Variants in HEMK2 observed in about 807,000 individuals in gnomAD.
The protein encoded by HEMK2 is methyltransferase HEMK2.
At chr21:28,768,736 T>G in the HEMK2 span, among the ~76,000 whole-genome samples, 1 of 152,060 alleles carries the variant, frequency 6.6e-6, no homozygotes, top group Non-Finnish European at 1.5e-5. Flanking sequence ...TGTTATGGAC[T>G]AAATTTTGAC....
chr21:28,766,757 A>G, the HEMK2 span, among the ~76,000 whole-genome samples: 1 of 152,154 alleles, frequency 6.6e-6, no homozygotes, highest in Admixed American at 6.6e-5. Context: ...AATAGAAAAC[A>G]AAATATTGTA....
chr21:28,670,896 C>G, the HEMK2 span: 1 of 152,186 alleles, frequency 6.6e-6, no homozygotes, highest in East Asian at 1.9e-4. Context: ...GAGGAACCAC[C>G]CTCATGATCC....
chr21:28,622,814 A>C, the HEMK2 span, among the ~76,000 whole-genome samples: 2 of 152,202 alleles, frequency 1.3e-5, no homozygotes, highest in Admixed American at 6.5e-5. Context: ...CCTTCTTTAC[A>C]CCTTATACAA....
chr21:28,871,751 G>A, the HEMK2 span, among the ~76,000 whole-genome samples: 1 of 152,094 alleles, frequency 6.6e-6, no homozygotes, highest in South Asian at 2.1e-4. Context: ...GGTGTGGGCT[G>A]GACCATGCTC....
the HEMK2 span, among the ~76,000 whole-genome samples, chr21:28,862,792 C>T: frequency 6.6e-6 from 1 of 152,220 alleles, no homozygotes; most frequent in Non-Finnish European, 1.5e-5. Context: ...AAAATATCTT[C>T]ATTTTATTTC....
chr21:28,790,932 T>C, the HEMK2 span, among the ~76,000 whole-genome samples: 1 of 151,576 alleles, frequency 6.6e-6, no homozygotes, highest in Admixed American at 6.6e-5. Flanking sequence ...TTTATACATA[T>C]GTAACTAACC....
chr21:28,847,292 C>T, the HEMK2 span, among the ~76,000 whole-genome samples: 2 of 152,100 alleles, frequency 1.3e-5, no homozygotes, highest in Non-Finnish European at 2.9e-5. Context: ...TCATTTATTT[C>T]TTGACATTTA....
chr21:28,604,304 C>T, the HEMK2 span, among the ~76,000 whole-genome samples: 2 of 152,230 alleles, frequency 1.3e-5, no homozygotes, highest in Non-Finnish European at 2.9e-5. Context: ...GGAGAAATAC[C>T]TAATGTAAAT....
chr21:28,724,774 T>C, the HEMK2 span, among the ~76,000 whole-genome samples: 27,239 of 152,114 alleles, frequency 0.18, 2,582 homozygotes, highest in Middle Eastern at 0.32. Context: ...TCAGGTTTTT[T>C]GTTTTTGTTT....
the HEMK2 span, among the ~76,000 whole-genome samples, chr21:28,805,954 G>A: frequency 0.11 from 16,892 of 152,046 alleles, 2,339 homozygotes; most frequent in African/African-American, 0.32. Flanking sequence ...TAGTGTTTCC[G>A]CCTACTCTGA....
the HEMK2 span, among the ~76,000 whole-genome samples, chr21:28,863,955 G>C: frequency 6.6e-6 from 1 of 152,170 alleles, no homozygotes; most frequent in Non-Finnish European, 1.5e-5. Flanking sequence ...AGCCTCCCAA[G>C]TAGCTGGGAC....
the HEMK2 span, among the ~76,000 whole-genome samples, chr21:28,843,460 T>C: frequency 6.6e-6 from 1 of 152,154 alleles, no homozygotes; most frequent in African/African-American, 2.4e-5. Context: ...TCCAAAACCA[T>C]ATTAAGTCCT....
At chr21:28,794,029 G>A in the HEMK2 span, among the ~76,000 whole-genome samples, 1 of 152,096 alleles carries the variant, frequency 6.6e-6, no homozygotes, top group Non-Finnish European at 1.5e-5. Flanking sequence ...TCCACTGTGT[G>A]GTAATTTGTT....
the HEMK2 span, among the ~76,000 whole-genome samples, chr21:28,811,335 GAGAA>G: frequency 3.0e-3 from 435 of 147,244 alleles, 5 homozygotes; most frequent in African/African-American, 0.011. Context: ...AGGAAGGAAG[GAGAA>G]AGAAAGGAAG....
At chr21:28,628,049 T>A in the HEMK2 span, among the ~76,000 whole-genome samples, 3 of 152,004 alleles carry the variant, frequency 2.0e-5, no homozygotes, top group Admixed American at 6.6e-5. Flanking sequence ...CCCTCAGGAG[T>A]GTACTTTCAT....
At chr21:28,697,065 C>T in the HEMK2 span, among the ~76,000 whole-genome samples, 1 of 152,154 alleles carries the variant, frequency 6.6e-6, no homozygotes, top group Non-Finnish European at 1.5e-5. Flanking sequence ...CTATGAAAGT[C>T]TCTGACATGC....
the HEMK2 span, among the ~76,000 whole-genome samples, chr21:28,647,559 G>T: frequency 1.3e-5 from 2 of 151,582 alleles, no homozygotes; most frequent in Non-Finnish European, 2.9e-5. Flanking sequence ...AATTCTGAGG[G>T]GCCAACCAAA....
the HEMK2 span, among the ~76,000 whole-genome samples, chr21:28,587,992 G>A: frequency 6.6e-6 from 1 of 152,232 alleles, no homozygotes; most frequent in Non-Finnish European, 1.5e-5. Flanking sequence ...CCCAGCTGCA[G>A]TTGGCAGAAA....
the HEMK2 span, among the ~76,000 whole-genome samples, chr21:28,804,555 G>C: frequency 6.6e-6 from 1 of 151,686 alleles, no homozygotes; most frequent in Non-Finnish European, 1.5e-5. Flanking sequence ...GGCAACATAG[G>C]GAGACCCCAT....
Sources: gnomAD v4.1 joint callset for allele counts (sites outside exome capture counted in the v4.1 genomes callset) on GRCh38, gnomAD v4.1.1 for gene constraint, MANE v1.5 for transcripts, NCBI Gene and HGNC (gene_info 2026-07-23, HGNC 2026-07-21) for gene names.